The following KCTD19 variants were observed in gnomAD, a reference collection of about 807,000 sequenced individuals.
KCTD19 encodes potassium channel tetramerization domain containing 19, also known as BTB/POZ domain-containing protein KCTD19.
Under a neutral mutation model 103.5 loss-of-function variants are expected in KCTD19, and 67 were observed. The ratio of observed to expected loss-of-function variants is 0.65; its 90% CI spans 0.53 to 0.79. The LOEUF (loss-of-function observed/expected upper bound fraction) is 0.79, where lower values mean the gene tolerates loss of function less well. Ranked by LOEUF, KCTD19 falls within the 30% of genes least tolerant of loss-of-function variation. KCTD19 has a pLI of 0.00. For missense variants in KCTD19, 980 were observed against 1,136.1 expected (o/e 0.86, Z 1.98); for synonymous variants, 439 against 452.2 (o/e 0.97, Z 0.37).
At chr16:67,310,112 A>C (rs2036934564) in intron 2 of KCTD19, among the ~76,000 whole-genome samples, 1 of 152,202 alleles carries the variant, frequency 6.6e-6, no homozygotes, top group African/African-American at 2.4e-5. Flanking sequence ...GACTTCTAGA[A>C]ATACAAGTCC....
At chr16:67,295,937 G>A (rs917047793) in intron 8 of KCTD19, 2 of 507,452 alleles carry the variant, frequency 3.9e-6, no homozygotes, top group Admixed American at 3.2e-5. Flanking sequence ...TACAGACGGG[G>A]TTTCACCATG....
intron 5 of KCTD19, chr16:67,301,486 G>A (rs1222558104): frequency 8.2e-6 from 2 of 242,576 alleles, no homozygotes; most frequent in Non-Finnish European, 1.6e-5. Context: ...CCTGCCTTCA[G>A]GCCCAGGACA....
chr16:67,325,199 C>CTTTTTTTTTTTTTTTTTTTTTT (rs918808425), intron 1 of KCTD19, among the ~76,000 whole-genome samples: 11 of 132,332 alleles, frequency 8.3e-5, no homozygotes, highest in African/African-American at 3.1e-4. Flanking sequence ...TTCTTTTTTT[C>CTTTTTTTTTTTTTTTTTTTTTT]TTTTTTTCTT....
In KCTD19 at chr16:67,291,383, T is replaced by G; in HGVS notation, c.2491A>C (p.Ile831Leu). ...TCCTTTTGCCTGATGGAATCCATGA[T>G]GATGTCAGCCAGGAAGCAGTGACAT... ...QKCHCFLADI[I>L]MDSIRQKDPK... The change falls in exon 14 of 16, where the codon ATC becomes CTC. Residue 831 changes from isoleucine (I) to leucine (L), a missense_variant. By Grantham distance (5) the Ile-to-Leu change is conservative. Coordinates refer to ENST00000304372, the MANE Select transcript of KCTD19 (RefSeq NM_001100915.3). 1 of 1,614,202 alleles carries G rather than the reference T, an allele frequency of 6.2e-7. No homozygotes were observed. The highest frequency in any genetic ancestry group is 1.1e-5 in the South Asian group (1 of 91,086).
intron 7 of KCTD19, among the ~76,000 whole-genome samples, 154 bp downstream of exon 7, chr16:67,297,345 ATATG>A (rs2036776484): frequency 6.6e-6 from 1 of 152,142 alleles, no homozygotes; most frequent in African/African-American, 2.4e-5. Flanking sequence ...GGAGCACTTA[ATATG>A]AAAGTTTCCC....
chr16:67,298,913 C>CTGGCCTGGCT (rs2036800119), intron 6 of KCTD19, among the ~76,000 whole-genome samples: 1 of 152,200 alleles, frequency 6.6e-6, no homozygotes, highest in Non-Finnish European at 1.5e-5. Flanking sequence ...TCTGGGAAGC[C>CTGGCCTGGCT]TGGCCTGGCC....
rs1206483393 is a variant in KCTD19, at chr16:67,323,379, T to A, written c.4-2494A>T. 6.6e-6 allele frequency among the ~76,000 whole-genome samples: 1 copy of A among 152,110 alleles called. No individual in the cohort carries two copies. Among genetic ancestry groups the A allele is most frequent in the African/African-American group, 2.4e-5 (1 of 41,436 alleles). On this transcript the variant is annotated intron_variant, in intron 1 of 15. Coordinates refer to ENST00000304372, the MANE Select transcript of KCTD19 (RefSeq NM_001100915.3). This position sits in a 1 kb window ranked among gnomAD's most constrained non-coding sequence, Gnocchi z 4.1. ...TGTTTGTCAATACGAAGGAATGGGA[T>A]GAACATGGTGGCTTGTGCTTGTAAT...
intron 9 of KCTD19, 46 bp downstream of exon 9, chr16:67,295,217 G>A: frequency 6.2e-7 from 1 of 1,605,888 alleles, no homozygotes; most frequent in Non-Finnish European, 8.5e-7. Context: ...CTAAGGGAGG[G>A]GTCAGCCTTC....
chr16:67,315,894 G>A (rs992042989), intron 2 of KCTD19, among the ~76,000 whole-genome samples: 2 of 152,068 alleles, frequency 1.3e-5, no homozygotes, highest in Non-Finnish European at 2.9e-5. Flanking sequence ...GATTATAGGT[G>A]TGAGCCACCG....
intron 2 of KCTD19, among the ~76,000 whole-genome samples, chr16:67,305,817 T>A (rs1192949506): frequency 6.6e-6 from 1 of 152,234 alleles, no homozygotes; most frequent in African/African-American, 2.4e-5. Context: ...AATGCTGCTA[T>A]GTCAATGAAG....
chr16:67,315,213 C>A (rs2036997335), intron 2 of KCTD19, among the ~76,000 whole-genome samples: 2 of 152,052 alleles, frequency 1.3e-5, no homozygotes, highest in Admixed American at 1.3e-4. Context: ...TCATTGTCAA[C>A]CTTTGACATC....
chr16:67,289,762 T>G, intron 15 of KCTD19, 80 bp from the exon 16 acceptor site: 3 of 1,048,698 alleles, frequency 2.9e-6, no homozygotes, highest in Admixed American at 3.7e-5. Flanking sequence ...GTTCTCCCAT[T>G]GGGGCAGGGA....
rs1012869655 is a variant in KCTD19 at position 67,303,440 on chromosome 16, A to AC, written c.452-104dup. 5.4e-5 allele frequency: 44 copies of AC among 818,764 alleles called. No homozygotes were observed. The highest frequency in any genetic ancestry group is 2.4e-4 in the African/African-American group (14 of 57,170). The allele number at this position is 818,764 out of a possible 1,614,324, so 50.7% of individuals were successfully genotyped here. A position where few individuals can be genotyped will look rare whatever the true frequency, so the allele number is the denominator to read the frequency against. On this transcript the variant is annotated intron_variant, in intron 3 of 15. Coordinates refer to ENST00000304372, the MANE Select transcript of KCTD19 (RefSeq NM_001100915.3). The surrounding 1 kb of genome is among the most constrained non-coding windows in gnomAD (Gnocchi z 4.3). The stretch of plus-strand genomic sequence containing the variant: ...AGGGGCCCCAGAGGATGCTAGAGAG[A>AC]CCCCCCAGGATATGGTCCTTGCCAC...
rs1218200122 is a variant in KCTD19, at chr16:67,323,991, G to A, written c.3+2714C>T. 1.3e-5 allele frequency among the ~76,000 whole-genome samples: 2 copies of A among 151,964 alleles called. No individual in the cohort carries two copies. The highest frequency in any genetic ancestry group is 4.8e-5 in the African/African-American group (2 of 41,366). ...GACATTACATTACTGGAGGATGAAT[G>A]CTATAGATACCTTTTCATATATACA... is the stretch of plus-strand genomic sequence containing the variant. On this transcript the variant is annotated intron_variant, in intron 1 of 15. Coordinates refer to ENST00000304372, the MANE Select transcript of KCTD19 (RefSeq NM_001100915.3). This position sits in a 1 kb window ranked among gnomAD's most constrained non-coding sequence, Gnocchi z 4.1.
chr16:67,297,536 C>T lies in KCTD19; in HGVS notation c.1114G>A (p.Glu372Lys). 6.2e-7 allele frequency: 1 copy of T among 1,614,112 alleles called. No individual in the cohort carries two copies. The highest frequency in any genetic ancestry group is 8.5e-7 in the Non-Finnish European group (1 of 1,180,022). ...PIKVALKTHL[E>K]PRTLAPMDVL... ...TCCATGGGTGCCAAAGTCCTTGGCTCCAGATGAGTCTTCAAAGCAACTTTG... is the reference window on the plus strand; with the variant it reads ...TCCATGGGTGCCAAAGTCCTTGGCTTCAGATGAGTCTTCAAAGCAACTTTG... Residue 372 changes from glutamate (E) to lysine (K), a missense_variant, in exon 7 of 16, where the codon GAG becomes AAG. Glu to Lys is a moderately conservative substitution (Grantham distance 56). Transcript: ENST00000304372.
chr16:67,318,768 G>A (rs77275342), intron 2 of KCTD19, among the ~76,000 whole-genome samples: 1 of 151,868 alleles, frequency 6.6e-6, no homozygotes, highest in African/African-American at 2.4e-5. Context: ...CCTTGGCGTA[G>A]AGTCATCAGC....
chr16:67,306,869 C>T (rs960862193), intron 2 of KCTD19, among the ~76,000 whole-genome samples: 2 of 152,132 alleles, frequency 1.3e-5, no homozygotes, highest in Non-Finnish European at 2.9e-5. Context: ...GACTTTTAAA[C>T]TGAATCCTTC....
Position 67,290,971 on chromosome 16 carries a change from G to C in KCTD19, c.2581C>G (p.Pro861Ala). The C allele has an allele frequency of 3.1e-6, 5 of 1,614,110 alleles. No homozygotes were observed. Among genetic ancestry groups the C allele is most frequent in the Non-Finnish European group, 4.2e-6 (5 of 1,179,996 alleles). The part of the protein sequence containing the change: ...ANRLWTLHIS[P>A]KQFVVDLLAI... ...AGCAAATCTACCACAAACTGCTTGGGGCTGATGTGCAGGGTCTGCCAGGAG... is the reference window on the plus strand; with the variant it reads ...AGCAAATCTACCACAAACTGCTTGGCGCTGATGTGCAGGGTCTGCCAGGAG... The change falls in exon 15 of 16, where the codon CCC (proline) becomes GCC (alanine). Residue 861 changes from proline (P) to alanine (A), a missense_variant. By Grantham distance (27) the Pro-to-Ala change is conservative. Transcript: ENST00000304372.
intron 3 of KCTD19, 92 bp downstream of exon 3, chr16:67,304,327 ACT>A (rs1254793188): frequency 3.2e-6 from 4 of 1,235,590 alleles, no homozygotes; most frequent in Non-Finnish European, 4.7e-6. Flanking sequence ...GAAATCAGGC[ACT>A]CTCTGCTCTC....
Sources: gnomAD v4.1 joint callset for allele counts (sites outside exome capture counted in the v4.1 genomes callset) on GRCh38, gnomAD v4.1.1 for gene constraint, Gnocchi (gnomAD v3.1) non-coding constraint, MANE v1.5 for transcripts, NCBI Gene and HGNC (gene_info 2026-07-23, HGNC 2026-07-21) for gene names.